Variants in IQCH observed in about 807,000 individuals in gnomAD.
IQCH encodes the protein IQ motif containing H, also known as IQ domain-containing protein H.
Under a neutral mutation model 117.0 loss-of-function variants are expected in IQCH, and 98 were observed. The observed-to-expected ratio is 0.84, with a 90% CI of 0.71 to 0.99. IQCH has a LOEUF of 0.99. IQCH is among the 50% of genes least tolerant of loss of function. The probability of loss-of-function intolerance (pLI) is 0.00; values close to 1 mark genes in which losing one functional copy is unlikely to be tolerated. For missense variants in IQCH, 1,102 were observed against 1,243.8 expected, an observed-to-expected ratio of 0.89 and a Z score of 1.72; for synonymous variants, 412 against 448.2, an observed-to-expected ratio of 0.92 and a Z score of 1.02.
At chr15:67,325,864 T>C (rs567601022) in intron 4 of IQCH, among the ~76,000 whole-genome samples, 1 of 152,218 alleles carries the variant, frequency 6.6e-6, no homozygotes, top group African/African-American at 2.4e-5. Context: ...CATAGACTTT[T>C]ATCATTTTTG....
At chr15:67,363,484 G>A (rs946050007) in intron 8 of IQCH, among the ~76,000 whole-genome samples, 9 of 151,704 alleles carry the variant, frequency 5.9e-5, no homozygotes. Flanking sequence ...GACCTCAAAT[G>A]ATCTGCCCAC....
intron 20 of IQCH, among the ~76,000 whole-genome samples, chr15:67,497,147 G>T (rs186082106): frequency 2.0e-4 from 31 of 151,910 alleles, no homozygotes; most frequent in African/African-American, 7.2e-4. Flanking sequence ...ACCAGCCTAG[G>T]CAACATAGGC....
In IQCH at chr15:67,334,461, C is replaced by G. The variant is rs190704230; in HGVS notation, c.388-2514C>G. 3.3e-5 allele frequency among the ~76,000 whole-genome samples: 5 copies of G among 152,294 alleles called. No individual in the cohort carries two copies. The South Asian group carries it at 1.0e-3, about 32-fold the overall frequency. On this transcript the variant is annotated intron_variant, in intron 4 of 20. Coordinates refer to ENST00000335894, the MANE Select transcript of IQCH (RefSeq NM_001031715.3). ...CATGCATGAAATATGCTGTTTTGCA[C>G]CATTGCTACCACTTTTACTACCTAT... is the stretch of plus-strand genomic sequence containing the variant.
In IQCH at chr15:67,376,187, T is replaced by C. The variant is rs1970731786; in HGVS notation, c.1372+2754T>C. 6.6e-6 allele frequency among the ~76,000 whole-genome samples: 1 copy of C among 152,204 alleles called. No individual in the cohort carries two copies. The highest frequency in any genetic ancestry group is 2.4e-5 in the African/African-American group (1 of 41,454). On this transcript the variant is annotated intron_variant, in intron 10 of 20. Coordinates refer to ENST00000335894, the MANE Select transcript of IQCH (RefSeq NM_001031715.3). This position sits in a 1 kb window ranked among gnomAD's most constrained non-coding sequence, Gnocchi z 5.0. The stretch of plus-strand genomic sequence containing the variant: ...ACAGATAGAATTCTCAAACGATGTA[T>C]ATATTTTTAAGGATATAGGGTACCC...
Position 67,445,422 on chromosome 15 carries a change from G to C in IQCH, c.2506-19705G>C, listed in dbSNP as rs1596391418. ...TGTTACATTCCTATCCCACCCCAGA[G>C]TACCTACCTCATGTCTGGTTTTTTT... On this transcript the variant is annotated intron_variant, in intron 16 of 20. Coordinates refer to ENST00000335894, the MANE Select transcript of IQCH (RefSeq NM_001031715.3). This position sits in a 1 kb window ranked among gnomAD's most constrained non-coding sequence, Gnocchi z 4.3. Among the ~76,000 whole-genome samples the C allele has an allele frequency of 3.3e-5, 5 of 151,268 alleles. No homozygotes were observed. In the South Asian group the frequency reaches 1.1e-3, roughly 32 times the overall value.
chr15:67,285,082 A>G (rs1350685342), intron 4 of IQCH, among the ~76,000 whole-genome samples: 1 of 152,172 alleles, frequency 6.6e-6, no homozygotes, highest in African/African-American at 2.4e-5. Flanking sequence ...CAACAGTGTA[A>G]AAGCATTCCT....
intron 14 of IQCH, among the ~76,000 whole-genome samples, chr15:67,402,526 G>A (rs548100950): frequency 2.0e-5 from 3 of 152,228 alleles, no homozygotes; most frequent in East Asian, 3.9e-4. Flanking sequence ...ATTACTTTAC[G>A]AGCACAGGCA....
intron 6 of IQCH, among the ~76,000 whole-genome samples, chr15:67,354,532 C>A (rs1969804083): frequency 6.6e-6 from 1 of 152,130 alleles, no homozygotes; most frequent in African/African-American, 2.4e-5. Flanking sequence ...TTTTCTACTT[C>A]TCGATTAAAA....
At chr15:67,300,393 CCA>C (rs1966965731) in intron 4 of IQCH, among the ~76,000 whole-genome samples, 2 of 152,212 alleles carry the variant, frequency 1.3e-5, no homozygotes, top group South Asian at 4.1e-4. Flanking sequence ...GGGTTACTAC[CCA>C]GTTTTACAAA....
chr15:67,445,929 T>C lies in IQCH; in HGVS notation c.2506-19198T>C, dbSNP rs2082381458. Among the ~76,000 whole-genome samples, 1 of 152,178 alleles carries C rather than the reference T, an allele frequency of 6.6e-6. No homozygotes were observed. The highest frequency in any genetic ancestry group is 2.1e-4 in the South Asian group (1 of 4,824). ...ATGGAGTTTCCCTATCATTGGCAGT[T>C]ACCACCAAGGAGGACAACTGTGTTC... On this transcript the variant is annotated intron_variant, in intron 16 of 20. Transcript: ENST00000335894. The surrounding 1 kb of genome is among the most constrained non-coding windows in gnomAD (Gnocchi z 4.3).
rs1443026596 is a variant in IQCH at position 67,384,643 on chromosome 15, C to T, written c.1373-293C>T. 1.3e-5 allele frequency among the ~76,000 whole-genome samples: 2 copies of T among 151,946 alleles called. No homozygotes were observed. The highest frequency in any genetic ancestry group is 2.1e-4 in the South Asian group (1 of 4,814). ...CACATCCTTGTAAACATTCATATTG[C>T]ATGTCAGAAATTTTCTCCATGTTTT... On this transcript the variant is annotated intron_variant, in intron 10 of 20. Coordinates refer to ENST00000335894, the MANE Select transcript of IQCH (RefSeq NM_001031715.3). This position sits in a 1 kb window ranked among gnomAD's most constrained non-coding sequence, Gnocchi z 4.3.
intron 4 of IQCH, among the ~76,000 whole-genome samples, chr15:67,286,048 T>G (rs772987521): frequency 3.9e-5 from 6 of 152,216 alleles, no homozygotes; most frequent in Non-Finnish European, 7.3e-5. Flanking sequence ...TTTGACAATA[T>G]TGATTCTTCC....
At chr15:67,295,333 T>C (rs1342259887) in intron 4 of IQCH, among the ~76,000 whole-genome samples, 1 of 152,180 alleles carries the variant, frequency 6.6e-6, no homozygotes, top group Non-Finnish European at 1.5e-5. Context: ...CCAGCTTCCT[T>C]TGCAGTTGAT....
At chr15:67,299,282 C>A (rs959237582) in intron 4 of IQCH, among the ~76,000 whole-genome samples, 1 of 150,194 alleles carries the variant, frequency 6.7e-6, no homozygotes, top group Non-Finnish European at 1.5e-5. Context: ...AAGGGTAGTG[C>A]GGGGCTTGGG....
intron 4 of IQCH, among the ~76,000 whole-genome samples, chr15:67,284,919 T>C (rs1477731342): frequency 1.3e-5 from 2 of 152,170 alleles, no homozygotes; most frequent in Admixed American, 6.5e-5. Context: ...AGTGAACATA[T>C]GTGTGCATGT....
rs1971343751 is a variant in IQCH at position 67,393,183 on chromosome 15, C to T, written c.1633-2108C>T. ...ACCCTAGAGACTTCTAATCCAACCC[C>T]TCATTTGAATATGAGAAATTGAGAC... On this transcript the variant is annotated intron_variant, in intron 12 of 20. Transcript: ENST00000335894. This position sits in a 1 kb window ranked among gnomAD's most constrained non-coding sequence, Gnocchi z 5.5. 6.6e-6 allele frequency among the ~76,000 whole-genome samples: 1 copy of T among 152,158 alleles called. No individual in the cohort carries two copies. Among genetic ancestry groups the T allele is most frequent in the Admixed American group, 6.6e-5 (1 of 15,266 alleles).
At chr15:67,362,321 A>C (rs1970171033) in intron 8 of IQCH, among the ~76,000 whole-genome samples, 1 of 152,208 alleles carries the variant, frequency 6.6e-6, no homozygotes, top group African/African-American at 2.4e-5. Flanking sequence ...ATTGAAGAAA[A>C]ATATAAAAGA....
chr15:67,490,013 G>A lies in IQCH; in HGVS notation c.2810G>A (p.Gly937Glu). ...GIGYDVEERQ[G>E]TVFILYEHLK... The stretch of plus-strand genomic sequence containing the variant: ...ATTCAAATTTTACAGGAAAGGCAAG[G>A]AACTGTTTTTATATTATATGAGCAC... Residue 937 changes from glycine (G) to glutamate (E), a missense_variant, in exon 19 of 21, where the codon GGA becomes GAA. Gly to Glu is a moderately conservative substitution (Grantham distance 98, BLOSUM62 -2). Transcript: ENST00000335894. This position sits in a 1 kb window ranked among gnomAD's most constrained non-coding sequence, Gnocchi z 4.9. 6.2e-7 allele frequency: 1 copy of A among 1,609,360 alleles called. No individual in the cohort carries two copies. The highest frequency in any genetic ancestry group is 2.2e-5 in the East Asian group (1 of 44,822).
At chr15:67,333,868 G>C (rs1968777280) in intron 4 of IQCH, among the ~76,000 whole-genome samples, 1 of 152,024 alleles carries the variant, frequency 6.6e-6, no homozygotes, top group Admixed American at 6.6e-5. Context: ...ACTAGCCTGG[G>C]CAACATAGCG....
Sources: allele counts gnomAD v4.1 joint callset (sites outside exome capture counted in the v4.1 genomes callset), GRCh38; gene constraint gnomAD v4.1.1; non-coding constraint Gnocchi (gnomAD v3.1); transcripts MANE v1.5; gene names NCBI Gene and HGNC (gene_info 2026-07-23, HGNC 2026-07-21).